The following PRKN variants were observed in gnomAD, a reference collection of about 807,000 sequenced individuals.
PRKN encodes E3 ubiquitin-protein ligase parkin.
Under a neutral mutation model 59.5 loss-of-function variants are expected in PRKN, and 56 were observed. That is an observed-to-expected ratio of 0.94 (90% CI 0.76 to 1.18). The LOEUF is 1.18. Ranked by LOEUF, PRKN falls within the 50% of genes most tolerant of loss-of-function variation. The pLI is 0.00. For synonymous variants in PRKN, 250 were observed against 222.1 expected (o/e 1.13, Z -1.12); for missense variants, 657 against 596.4 (o/e 1.10, Z -1.06).
intron 2 of PRKN, among the ~76,000 whole-genome samples, chr6:162,406,676 C>G (rs1788089932): frequency 6.6e-6 from 1 of 152,130 alleles, no homozygotes; most frequent in African/African-American, 2.4e-5. Flanking sequence ...CCTGGGAACC[C>G]TCCTTGAAGA....
At chr6:162,455,013 T>TAC (rs1790801904) in intron 1 of PRKN, among the ~76,000 whole-genome samples, 1 of 152,200 alleles carries the variant, frequency 6.6e-6, no homozygotes, top group South Asian at 2.1e-4. Context: ...CTGGTATGAA[T>TAC]ACAGATACAC....
At position 162,406,003 on chromosome 6, in the gene PRKN, G is replaced by A. The variant is rs1215051568; in HGVS notation, c.171+37307C>T. 1.3e-5 allele frequency among the ~76,000 whole-genome samples: 2 copies of A among 152,136 alleles called. 1 individual carries two copies. The highest frequency in any genetic ancestry group is 3.9e-4 in the East Asian group (2 of 5,188). ...AAGCAATGGAATGGACCCTCCTGCTGGGCTGAACATCAAGACAGGGATTTA... is the reference window on the plus strand; with the variant it reads ...AAGCAATGGAATGGACCCTCCTGCTAGGCTGAACATCAAGACAGGGATTTA... On this transcript the variant is annotated intron_variant, in intron 2 of 11. Coordinates refer to ENST00000366898, the MANE Select transcript of PRKN (RefSeq NM_004562.3).
intron 1 of PRKN, among the ~76,000 whole-genome samples, chr6:162,458,249 C>A (rs1790989675): frequency 1.1e-5 from 1 of 89,588 alleles, no homozygotes; most frequent in African/African-American, 4.5e-5. Context: ...GAGTGAGACT[C>A]TATCTCAAAA....
At chr6:162,316,712 G>A (rs9347618) in intron 2 of PRKN, among the ~76,000 whole-genome samples, 38,781 of 151,826 alleles carry the variant, frequency 0.26, 6,303 homozygotes, top group East Asian at 0.5. Context: ...ACTATTAAGC[G>A]CCAATTCTGG....
intron 1 of PRKN, among the ~76,000 whole-genome samples, chr6:162,535,579 A>C (rs971800653): frequency 2.0e-5 from 3 of 152,088 alleles, no homozygotes; most frequent in Non-Finnish European, 4.4e-5. Flanking sequence ...TTCATAAATA[A>C]TAATATTTCT....
At chr6:161,884,347 C>T (rs945502641) in intron 6 of PRKN, among the ~76,000 whole-genome samples, 1 of 152,146 alleles carries the variant, frequency 6.6e-6, no homozygotes, top group African/African-American at 2.4e-5. Context: ...GTTTCAAGGC[C>T]TATGACAATA....
rs529274012 is a variant in PRKN, at chr6:162,053,676, G to GA, written c.618+414dup. ...AAGAAAGGTAGAAGTAGATAAAGCAGAAAAAAAAATCAATTTTGAATGATG... is the reference window on the plus strand; with the variant it reads ...AAGAAAGGTAGAAGTAGATAAAGCAGAAAAAAAAAATCAATTTTGAATGATG... On this transcript the variant is annotated intron_variant, in intron 5 of 11. Transcript: ENST00000366898. 4.0e-4 allele frequency among the ~76,000 whole-genome samples: 60 copies of GA among 150,844 alleles called. No homozygotes were observed. The South Asian group carries it at 7.4e-3, about 19-fold the overall frequency.
intron 1 of PRKN, among the ~76,000 whole-genome samples, chr6:162,591,085 A>G (rs570403944): frequency 1.3e-5 from 2 of 152,254 alleles, no homozygotes; most frequent in South Asian, 4.2e-4. Flanking sequence ...TGTGCTCAAG[A>G]TGCATCAGGC....
At chr6:161,872,387 T>C (rs73603168) in intron 6 of PRKN, among the ~76,000 whole-genome samples, 5,633 of 152,258 alleles carry the variant, frequency 0.037, 351 homozygotes, top group African/African-American at 0.13. Context: ...CTAGGGATTA[T>C]GTAGGACACT....
chr6:161,880,039 T>C (rs1253000583), intron 6 of PRKN, among the ~76,000 whole-genome samples: 1 of 152,192 alleles, frequency 6.6e-6, no homozygotes, highest in Non-Finnish European at 1.5e-5. Context: ...CTATGTGAAA[T>C]ATAAACAGTA....
intron 2 of PRKN, among the ~76,000 whole-genome samples, chr6:162,366,053 A>T (rs936352799): frequency 7.9e-5 from 12 of 152,208 alleles, no homozygotes; most frequent in African/African-American, 2.9e-4. Context: ...GGTACTTGCC[A>T]TGGGTACTGC....
chr6:162,108,332 G>C (rs1780279538), intron 4 of PRKN, among the ~76,000 whole-genome samples: 1 of 152,102 alleles, frequency 6.6e-6, no homozygotes, highest in South Asian at 2.1e-4. Context: ...CTGTGACCCA[G>C]CCTCACTAAA....
chr6:161,449,897 C>A (rs1484080197), intron 9 of PRKN, among the ~76,000 whole-genome samples: 8 of 152,224 alleles, frequency 5.3e-5, no homozygotes, highest in Admixed American at 5.2e-4. Context: ...TTTCAATGCA[C>A]TGCCATGACC....
intron 9 of PRKN, among the ~76,000 whole-genome samples, chr6:161,511,345 G>C (rs141324659): frequency 1.3e-5 from 2 of 152,210 alleles, no homozygotes; most frequent in Non-Finnish European, 2.9e-5. Flanking sequence ...TTAAACTTTT[G>C]CAACAAAATG....
At chr6:162,439,693 CTCTTTA>C (rs113849965) in intron 2 of PRKN, among the ~76,000 whole-genome samples, 45,847 of 151,554 alleles carry the variant, frequency 0.3, 7,589 homozygotes, top group African/African-American at 0.45. Context: ...CTTCCTCTTC[CTCTTTA>C]GCCTACTCAA....
At chr6:162,060,185 CAT>C (rs1778039684) in intron 4 of PRKN, among the ~76,000 whole-genome samples, 1 of 152,210 alleles carries the variant, frequency 6.6e-6, no homozygotes, top group Non-Finnish European at 1.5e-5. Flanking sequence ...CTTTGGCTAA[CAT>C]ATAATCGCAT....
At chr6:162,710,140 G>T (rs758035055) in intron 1 of PRKN, among the ~76,000 whole-genome samples, 1 of 152,004 alleles carries the variant, frequency 6.6e-6, no homozygotes, top group Non-Finnish European at 1.5e-5. Flanking sequence ...CCTGATATAG[G>T]TCTTTGTGCG....
intron 9 of PRKN, among the ~76,000 whole-genome samples, chr6:161,432,201 G>C (rs1305094807): frequency 6.6e-6 from 1 of 152,132 alleles, no homozygotes; most frequent in Non-Finnish European, 1.5e-5. Context: ...TAAACTTTGT[G>C]AAATGGTTAA....
intron 6 of PRKN, among the ~76,000 whole-genome samples, chr6:161,864,673 T>A (rs995718330): frequency 6.6e-6 from 1 of 152,164 alleles, no homozygotes; most frequent in Admixed American, 6.6e-5. Context: ...TTTTGTTTTT[T>A]TGAGACAGAA....
Sources: allele counts gnomAD v4.1 joint callset (sites outside exome capture counted in the v4.1 genomes callset), GRCh38; gene constraint gnomAD v4.1.1; transcripts MANE v1.5; gene names NCBI Gene and HGNC (gene_info 2026-07-23, HGNC 2026-07-21).